SLC22A14: variants seen among roughly 807,000 people sequenced by gnomAD.
SLC22A14 encodes solute carrier family 22 member 14.
In SLC22A14, 50 loss-of-function variants were observed where a neutral mutation model predicts 53.9. The ratio of observed to expected loss-of-function variants is 0.93; its 90% confidence interval spans 0.74 to 1.17. The LOEUF (loss-of-function observed/expected upper bound fraction) is 1.17. SLC22A14 is among the 50% of genes most tolerant of loss of function. SLC22A14 has a pLI of 0.00. For synonymous variants in SLC22A14, 312 were observed against 303.0 expected, an observed-to-expected ratio of 1.03 and a Z score of -0.31; for missense variants, 671 against 734.7, an observed-to-expected ratio of 0.91 and a Z score of 1.00.
intron 2 of SLC22A14, 84 bp downstream of exon 2, chr3:38,306,626 G>A (rs1279790042): frequency 3.0e-6 from 4 of 1,341,144 alleles, no homozygotes; most frequent in East Asian, 2.3e-5. Context: ...TGGGGAAACC[G>A]AAGCTCAGAG....
intron 5 of SLC22A14, among the ~76,000 whole-genome samples, chr3:38,311,488 T>C (rs1465552348): frequency 1.3e-5 from 2 of 152,224 alleles, no homozygotes; most frequent in African/African-American, 4.8e-5. Context: ...ATGGCCAACA[T>C]GAGCATTTGA....
chr3:38,295,715 C>T (rs1159560353), intron 1 of SLC22A14, among the ~76,000 whole-genome samples: 2 of 151,632 alleles, frequency 1.3e-5, no homozygotes, highest in Non-Finnish European at 2.9e-5. Flanking sequence ...CCCTCGTTGT[C>T]TCTCTGCCTC....
At chr3:38,308,848 A>C (rs1355947314) in intron 4 of SLC22A14, 106 bp from the exon 5 acceptor site, 1 of 1,003,568 alleles carries the variant, frequency 1.0e-6, no homozygotes, top group East Asian at 2.4e-5. Context: ...GCTTTGCCTG[A>C]TCTCAACTGT....
chr3:38,291,851 A>G (rs1273358848), intron 1 of SLC22A14, among the ~76,000 whole-genome samples: 1 of 152,216 alleles, frequency 6.6e-6, no homozygotes, highest in Non-Finnish European at 1.5e-5. Context: ...TAATTAGTGT[A>G]TATAATGGCC....
At chr3:38,317,059 G>A (rs1034328837) in intron 10 of SLC22A14, among the ~76,000 whole-genome samples, 3 of 152,270 alleles carry the variant, frequency 2.0e-5, no homozygotes, top group South Asian at 2.1e-4. Flanking sequence ...TCTCCCAGGT[G>A]TCCCCTGGAG....
chr3:38,313,308 C>G, intron 6 of SLC22A14, 80 bp from the exon 7 acceptor site: 2 of 1,379,714 alleles, frequency 1.4e-6, no homozygotes, highest in Admixed American at 3.4e-5. Flanking sequence ...CAGGGACAGG[C>G]AGGCCTTGTG....
chr3:38,314,737 G>C lies in SLC22A14; in HGVS notation c.1378+796G>C, dbSNP rs188232383. Among the ~76,000 whole-genome samples the C allele has an allele frequency of 5.3e-5, 8 of 152,344 alleles. No individual in the cohort carries two copies. The East Asian group carries it at 1.5e-3, about 29-fold the overall frequency. Reference sequence around the variant, plus strand: ...TAGGACCCTTCCACTCCCAGATGCTGGCAGTGTAGATTGGCTAACACAAAA... The same window carrying C: ...TAGGACCCTTCCACTCCCAGATGCTCGCAGTGTAGATTGGCTAACACAAAA... On this transcript the variant is annotated intron_variant, in intron 8 of 10. Coordinates refer to ENST00000448498, the MANE Select transcript of SLC22A14 (RefSeq NM_001320033.2).
intron 1 of SLC22A14, among the ~76,000 whole-genome samples, chr3:38,293,308 C>G (rs1239072824): frequency 6.6e-6 from 1 of 152,194 alleles, no homozygotes; most frequent in African/African-American, 2.4e-5. Flanking sequence ...CCCAGCCTTT[C>G]CCTTTTCCAG....
intron 1 of SLC22A14, chr3:38,305,768 T>C (rs1442641802): frequency 2.1e-6 from 1 of 486,968 alleles, no homozygotes; most frequent in African/African-American, 1.9e-5. Flanking sequence ...AAGAACTTAG[T>C]CCTTCATGAC....
Position 38,306,556 on chromosome 3 carries a change from T to C in SLC22A14, c.516+14T>C. 6.3e-7 allele frequency: 1 copy of C among 1,598,720 alleles called. No individual in the cohort carries two copies. Among genetic ancestry groups the C allele is most frequent in the African/African-American group, 1.3e-5 (1 of 74,934 alleles). ...CTGATCAATGAGGTATGTCTTGTCA[T>C]GGGTTGTCTGTAACTACCCTACAGG... On this transcript the variant is annotated intron_variant, in intron 2 of 10. Coordinates refer to ENST00000448498, the MANE Select transcript of SLC22A14 (RefSeq NM_001320033.2).
chr3:38,297,443 A>ATT (rs199800505), intron 1 of SLC22A14, among the ~76,000 whole-genome samples: 1 of 149,006 alleles, frequency 6.7e-6, no homozygotes, highest in Admixed American at 6.7e-5. Flanking sequence ...TGGTGGTGGG[A>ATT]TTTTTTTTTT....
chr3:38,289,570 C>T (rs1575402495), intron 1 of SLC22A14, among the ~76,000 whole-genome samples: 1 of 152,172 alleles, frequency 6.6e-6, no homozygotes, highest in South Asian at 2.1e-4. Flanking sequence ...TGTTATAGCT[C>T]TATTAGAAGC....
intron 1 of SLC22A14, among the ~76,000 whole-genome samples, chr3:38,297,290 A>C (rs1418556316): frequency 1.3e-5 from 2 of 152,182 alleles, no homozygotes; most frequent in Non-Finnish European, 2.9e-5. Context: ...AGGGATTCTT[A>C]GTCAGCCTAG....
chr3:38,304,468 G>T (rs1245760911), intron 1 of SLC22A14, among the ~76,000 whole-genome samples: 1 of 151,986 alleles, frequency 6.6e-6, no homozygotes, highest in Non-Finnish European at 1.5e-5. Context: ...GCTCACTGCA[G>T]CCTCGACCTC....
intron 8 of SLC22A14, among the ~76,000 whole-genome samples, chr3:38,315,076 G>A (rs1170109009): frequency 2.0e-5 from 3 of 152,228 alleles, no homozygotes; most frequent in Non-Finnish European, 2.9e-5. Context: ...CTAGCTGGCC[G>A]GAGAACATCC....
chr3:38,294,514 C>T (rs1703983850), intron 1 of SLC22A14, among the ~76,000 whole-genome samples: 1 of 152,048 alleles, frequency 6.6e-6, no homozygotes, highest in African/African-American at 2.4e-5. Flanking sequence ...CTCCAGAATA[C>T]ATCTTAGGGT....
chr3:38,286,873 A>G (rs1005700681), intron 1 of SLC22A14, among the ~76,000 whole-genome samples: 3 of 151,658 alleles, frequency 2.0e-5, no homozygotes, highest in African/African-American at 7.3e-5. Flanking sequence ...CTGGGATTAC[A>G]GGTGTGCACC....
chr3:38,284,326 G>C (rs1703740855), intron 1 of SLC22A14, among the ~76,000 whole-genome samples: 1 of 152,236 alleles, frequency 6.6e-6, no homozygotes, highest in South Asian at 2.1e-4. Flanking sequence ...GACATGCCCA[G>C]GTGAGGACCC....
intron 1 of SLC22A14, among the ~76,000 whole-genome samples, chr3:38,290,447 A>G (rs1355674204): frequency 6.6e-6 from 1 of 152,220 alleles, no homozygotes; most frequent in Admixed American, 6.5e-5. Context: ...AGACAAACTT[A>G]ACAAAGAGGT....
Sources: allele counts gnomAD v4.1 joint callset (sites outside exome capture counted in the v4.1 genomes callset), GRCh38; gene constraint gnomAD v4.1.1; transcripts MANE v1.5; gene names NCBI Gene and HGNC (gene_info 2026-07-23, HGNC 2026-07-21).